ARB2A: variants seen among roughly 807,000 people sequenced by gnomAD.
ARB2A encodes the protein ARB2 cotranscriptional regulator A, also known as cotranscriptional regulator ARB2A.
the ARB2A span, among the ~76,000 whole-genome samples, chr5:93,772,839 G>A: frequency 2.0e-5 from 3 of 152,198 alleles, no homozygotes; most frequent in African/African-American, 7.2e-5. Context: ...CCATCACAGT[G>A]AGCAAGCTAG....
the ARB2A span, among the ~76,000 whole-genome samples, chr5:93,911,511 CAAG>C: frequency 3.3e-5 from 5 of 151,536 alleles, no homozygotes; most frequent in Non-Finnish European, 7.4e-5. Flanking sequence ...TGAATTAAAG[CAAG>C]AAGATCATTT....
the ARB2A span, among the ~76,000 whole-genome samples, chr5:93,644,137 T>A: frequency 6.6e-6 from 1 of 152,188 alleles, no homozygotes; most frequent in Admixed American, 6.5e-5. Flanking sequence ...GTGCCACACA[T>A]AAGAGGCTCC....
At chr5:93,621,176 G>T in the ARB2A span, 1 of 1,539,686 alleles carries the variant, frequency 6.5e-7, no homozygotes, top group Non-Finnish European at 8.8e-7. Flanking sequence ...CGCGGGGCCA[G>T]GCGCGGTGAG....
the ARB2A span, among the ~76,000 whole-genome samples, chr5:93,698,516 G>C: frequency 6.6e-6 from 1 of 152,080 alleles, no homozygotes; most frequent in Admixed American, 6.6e-5. Context: ...AGGAAACACC[G>C]AGAAGGTGAT....
chr5:93,802,732 G>C, the ARB2A span, among the ~76,000 whole-genome samples: 4 of 152,090 alleles, frequency 2.6e-5, no homozygotes, highest in Non-Finnish European at 5.9e-5. Context: ...ATTCCAGAAT[G>C]ATGTTTAGCA....
At chr5:93,852,736 C>T in the ARB2A span, among the ~76,000 whole-genome samples, 1 of 152,046 alleles carries the variant, frequency 6.6e-6, no homozygotes, top group Non-Finnish European at 1.5e-5. Context: ...GCTTGTTTTT[C>T]TCAGGTTTGT....
At chr5:93,836,384 G>A in the ARB2A span, among the ~76,000 whole-genome samples, 1 of 152,160 alleles carries the variant, frequency 6.6e-6, no homozygotes, top group Non-Finnish European at 1.5e-5. Flanking sequence ...AGAAGAAACG[G>A]AACACAGATA....
At chr5:93,685,508 G>A in the ARB2A span, among the ~76,000 whole-genome samples, 1 of 151,996 alleles carries the variant, frequency 6.6e-6, no homozygotes, top group Non-Finnish European at 1.5e-5. Flanking sequence ...ATATTCACAA[G>A]CCCTTCCTCT....
chr5:93,999,333 C>A, the ARB2A span, among the ~76,000 whole-genome samples: 7 of 151,980 alleles, frequency 4.6e-5, no homozygotes, highest in Admixed American at 1.3e-4. Context: ...TGTCTGTATT[C>A]AGTGAATCCA....
At chr5:94,037,243 T>C in the ARB2A span, among the ~76,000 whole-genome samples, 1 of 152,174 alleles carries the variant, frequency 6.6e-6, no homozygotes, top group Non-Finnish European at 1.5e-5. Flanking sequence ...AATTCTAAAA[T>C]ATCTACTTAG....
chr5:93,670,043 A>G, the ARB2A span, among the ~76,000 whole-genome samples: 1 of 152,126 alleles, frequency 6.6e-6, no homozygotes, highest in African/African-American at 2.4e-5. Flanking sequence ...GACACCACCC[A>G]GATGTTCAAG....
the ARB2A span, among the ~76,000 whole-genome samples, chr5:93,986,886 G>T: frequency 6.6e-6 from 1 of 151,984 alleles, no homozygotes; most frequent in African/African-American, 2.4e-5. Context: ...GCAGAAGGCC[G>T]CAGGGTCCTC....
chr5:93,837,548 T>C, the ARB2A span, among the ~76,000 whole-genome samples: 84 of 152,002 alleles, frequency 5.5e-4, no homozygotes, highest in Non-Finnish European at 1.0e-3. Context: ...CAATTCTGAG[T>C]TTTTTTGAAA....
the ARB2A span, among the ~76,000 whole-genome samples, chr5:93,639,363 G>A: frequency 1.3e-5 from 2 of 151,702 alleles, no homozygotes; most frequent in Non-Finnish European, 2.9e-5. Flanking sequence ...TAGCCTCCAA[G>A]TCTATAGTTG....
chr5:93,994,772 G>A, the ARB2A span, among the ~76,000 whole-genome samples: 4 of 151,970 alleles, frequency 2.6e-5, no homozygotes, highest in Non-Finnish European at 4.4e-5. Context: ...CAGGTGTGGT[G>A]GCCCATGCCT....
At chr5:93,797,982 G>C in the ARB2A span, among the ~76,000 whole-genome samples, 2 of 152,054 alleles carry the variant, frequency 1.3e-5, no homozygotes, top group South Asian at 4.1e-4. Flanking sequence ...AATGACATTT[G>C]AGAGAAGTCA....
At chr5:93,785,161 G>C in the ARB2A span, among the ~76,000 whole-genome samples, 1 of 152,004 alleles carries the variant, frequency 6.6e-6, no homozygotes, top group Non-Finnish European at 1.5e-5. Context: ...GATTTGCTTG[G>C]CTTGGAGATA....
the ARB2A span, among the ~76,000 whole-genome samples, chr5:93,715,643 CTT>C: frequency 7.8e-5 from 11 of 141,666 alleles, no homozygotes; most frequent in Non-Finnish European, 9.3e-5. Context: ...TTTCCCCCGC[CTT>C]TTTTTTTTTT....
the ARB2A span, among the ~76,000 whole-genome samples, chr5:94,107,049 C>A: frequency 1.3e-5 from 2 of 151,754 alleles, no homozygotes; most frequent in Non-Finnish European, 2.9e-5. Context: ...CATGTACCCC[C>A]TGAACTAAAA....
Sources: gnomAD v4.1 joint callset for allele counts (sites outside exome capture counted in the v4.1 genomes callset) on GRCh38, gnomAD v4.1.1 for gene constraint, MANE v1.5 for transcripts, NCBI Gene and HGNC (gene_info 2026-07-23, HGNC 2026-07-21) for gene names.